KMT2D: variants seen among roughly 807,000 people sequenced by gnomAD.
KMT2D encodes lysine methyltransferase 2D, also known as histone-lysine N-methyltransferase 2D.
Under a neutral mutation model 512.7 loss-of-function variants are expected in KMT2D, and 55 were observed. The observed-to-expected ratio is 0.11, with a 90% CI of 0.09 to 0.13. KMT2D has a LOEUF of 0.13. Among genes scored for constraint, KMT2D ranks in the 10% least tolerant of loss-of-function variants. The pLI, the probability that KMT2D is intolerant of heterozygous loss-of-function variation, is 1.00. For synonymous variants in KMT2D, 2,995 were observed against 2,904.0 expected (o/e 1.03, Z -1.01); for missense variants, 6,061 against 7,127.9 (o/e 0.85, Z 5.39).
chr12:49,046,076 A>C lies in KMT2D; in HGVS notation c.4682T>G (p.Val1561Gly), dbSNP rs777735105. 4.2e-5 allele frequency: 68 copies of C among 1,611,674 alleles called. No homozygotes were observed. In the East Asian group the frequency reaches 1.5e-3, roughly 36 times the overall value. ...FDCVSCQPYV[V>G]KPVAPVAPPE... ...CAGCTGGTACTCACCCACAGGCTTT[A>C]CCACGTAGGGCTGGCAGGAGACACA... is the stretch of plus-strand genomic sequence containing the variant. Residue 1561 changes from valine to glycine, a missense_variant, in exon 18 of 55, where the codon GTA becomes GGA. By Grantham distance (109) the Val-to-Gly change is moderately radical. This residue lies in a region of KMT2D where 640 missense variants were observed against 814.3 expected (regional missense o/e 0.79). Coordinates refer to ENST00000301067, the MANE Select transcript of KMT2D (RefSeq NM_003482.4). The surrounding 1 kb of genome is among the most constrained non-coding windows in gnomAD (Gnocchi z 4.2).
rs767839968 is a variant in KMT2D at position 49,051,127 on chromosome 12, G to C, written c.2556C>G (p.Ser852=). 2.6e-6 allele frequency: 4 copies of C among 1,520,724 alleles called. No homozygotes were observed. In the South Asian group the frequency reaches 5.3e-5, roughly 20 times the overall value. The allele number at this position is 1,520,724 out of a possible 1,614,324, so 94.2% of individuals were successfully genotyped here. A position where few individuals can be genotyped will look rare whatever the true frequency, so the allele number is the denominator to read the frequency against. The change falls in exon 11 of 55, where the codon TCC becomes TCG. Residue 852 remains serine, a synonymous_variant. Coordinates refer to ENST00000301067, the MANE Select transcript of KMT2D (RefSeq NM_003482.4). ...ACAGGGGTGGCTTCTCAAGCTCAGGGGACAGATGCGATTCCTCAGGCCGGG... is the reference window on the plus strand; with the variant it reads ...ACAGGGGTGGCTTCTCAAGCTCAGGCGACAGATGCGATTCCTCAGGCCGGG... ...LSPRPEESHL[S]PELEKPPLSP...
At position 49,042,521 on chromosome 12, in the gene KMT2D, C is replaced by G. The variant is rs1425718825; in HGVS notation, c.5867+40G>C. The G allele has an allele frequency of 6.3e-7, 1 of 1,598,524 alleles. No individual in the cohort carries two copies. Among genetic ancestry groups the G allele is most frequent in the South Asian group, 1.1e-5 (1 of 89,914 alleles). ...CATGAACTCAGATGGAGGGAAAGGA[C>G]AACGAGGACTGCCCACAAAGGTTAC... is the stretch of plus-strand genomic sequence containing the variant. On this transcript the variant is annotated intron_variant, in intron 28 of 54. Transcript: ENST00000301067. The surrounding 1 kb of genome is among the most constrained non-coding windows in gnomAD (Gnocchi z 4.4).
At position 49,022,263 on chromosome 12, in the gene KMT2D, TC is replaced by T. The variant is rs34546217; in HGVS notation, c.16412+16del. 541,464 of 1,602,132 alleles carry T rather than the reference TC, an allele frequency of 0.34. 96,375 individuals are homozygous for T. The highest frequency in any genetic ancestry group is 0.4 in the East Asian group (17,811 of 44,550). On this transcript the variant is annotated intron_variant, in intron 53 of 54. Coordinates refer to ENST00000301067, the MANE Select transcript of KMT2D (RefSeq NM_003482.4). The surrounding 1 kb of genome is among the most constrained non-coding windows in gnomAD (Gnocchi z 8.6). Reference sequence around the variant, plus strand: ...TCTCAGGGACCACTAAATCCCTCCTTCCTCGTCATCTCTCACCTGGCAGGGC... The same window carrying T: ...TCTCAGGGACCACTAAATCCCTCCTTCTCGTCATCTCTCACCTGGCAGGGC...
Position 49,041,393 on chromosome 12 carries a change from A to G in KMT2D, c.6377T>C (p.Ile2126Thr), listed in dbSNP as rs766985576. 3 of 1,603,412 alleles carry G rather than the reference A, an allele frequency of 1.9e-6. No homozygotes were observed. Among genetic ancestry groups the G allele is most frequent in the East Asian group, 2.2e-5 (1 of 44,750 alleles). Residue 2126 changes from isoleucine to threonine, a missense_variant, in exon 32 of 55, where the codon ATT becomes ACT. Transcript: ENST00000301067. The surrounding 1 kb of genome is among the most constrained non-coding windows in gnomAD (Gnocchi z 5.4). The part of the protein sequence containing the change: ...PPPAAAPTIF[I>T]GSPTTPAGLS... Reference sequence around the variant, plus strand: ...GCCGGCGGGGGTAGTGGGGCTGCCAATGAAAATGGTGGGGGCAGCAGCGGG... The same window carrying G: ...GCCGGCGGGGGTAGTGGGGCTGCCAGTGAAAATGGTGGGGGCAGCAGCGGG...
At position 49,039,871 on chromosome 12, in the gene KMT2D, T is replaced by C. The variant is rs2120518575; in HGVS notation, c.7899A>G (p.Ser2633=). 6.2e-7 allele frequency: 1 copy of C among 1,613,990 alleles called. No individual in the cohort carries two copies. Among genetic ancestry groups the C allele is most frequent in the South Asian group, 1.1e-5 (1 of 91,082 alleles). The change falls in exon 32 of 55, where the codon TCA becomes TCG. Residue 2633 remains serine, a synonymous_variant. Coordinates refer to ENST00000301067, the MANE Select transcript of KMT2D (RefSeq NM_003482.4). This position sits in a 1 kb window ranked among gnomAD's most constrained non-coding sequence, Gnocchi z 5.0. ...CAGGAGAGGTGATGCCTGATCGCTGTGAGGCTCCATGGGACAGGTAGGGGA... is the reference window on the plus strand; with the variant it reads ...CAGGAGAGGTGATGCCTGATCGCTGCGAGGCTCCATGGGACAGGTAGGGGA... The part of the protein sequence containing the change: ...GSLPYLSHGA[S]QRSGITSPVE...
chr12:49,052,305 G>T lies in KMT2D; in HGVS notation c.1378C>A (p.Pro460Thr), dbSNP rs201089405. 1.6e-4 allele frequency: 261 copies of T among 1,589,174 alleles called. No individual in the cohort carries two copies. Among genetic ancestry groups the T allele is most frequent in the Non-Finnish European group, 2.2e-4 (254 of 1,165,834 alleles). ...GACAGGCGTGATGCCTCAGGTGGTG[G>T]GGACGTGGGTGATTCCTCAGGTGGT... is the stretch of plus-strand genomic sequence containing the variant. The part of the protein sequence containing the change: ...SPPPEESPTS[P>T]PPEASRLSPP... The change falls in exon 11 of 55, where the codon CCA (proline) becomes ACA (threonine). Residue 460 changes from proline to threonine, a missense_variant. Transcript: ENST00000301067.
chr12:49,034,969 G>A (rs1156260538), intron 35 of KMT2D, 34 bp from the exon 36 acceptor site: 6 of 1,612,322 alleles, frequency 3.7e-6, no homozygotes, highest in Admixed American at 1.7e-5. Flanking sequence ...GCTGGGCTAT[G>A]GGGCCAATGC....
chr12:49,022,910 T>TC lies in KMT2D; in HGVS notation c.16053-36dup. The TC allele has an allele frequency of 6.5e-7, 1 of 1,536,104 alleles. No individual in the cohort carries two copies. The highest frequency in any genetic ancestry group is 1.4e-5 in the African/African-American group (1 of 73,490). On this transcript the variant is annotated intron_variant, in intron 51 of 54. Coordinates refer to ENST00000301067, the MANE Select transcript of KMT2D (RefSeq NM_003482.4). This position sits in a 1 kb window ranked among gnomAD's most constrained non-coding sequence, Gnocchi z 8.6. ...GATATAATCCATGACAAGACAGCTC[T>TC]CCCTCAGACCAAGTACATACCACCC...
chr12:49,025,221 G>A (rs1942514709), intron 49 of KMT2D, among the ~76,000 whole-genome samples: 3 of 152,226 alleles, frequency 2.0e-5, no homozygotes, highest in Admixed American at 1.3e-4. Context: ...TAGTGAAAGA[G>A]CAGGCATGCT....
chr12:49,057,032 C>T (rs1938449604), intron 1 of KMT2D, among the ~76,000 whole-genome samples: 2 of 152,188 alleles, frequency 1.3e-5, no homozygotes, highest in Admixed American at 1.3e-4. Flanking sequence ...CTTTCCCAAA[C>T]CTGCCACACA....
At chr12:49,049,071 T>C (rs1165373081) in intron 13 of KMT2D, 34 bp downstream of exon 13, 17 of 1,351,290 alleles carry the variant, frequency 1.3e-5, no homozygotes, top group Non-Finnish European at 1.7e-5. Context: ...AAAGCATGGT[T>C]GGGGGATGGG....
chr12:49,052,886 C>T (rs2120691283), intron 9 of KMT2D, 29 bp downstream of exon 9: 1 of 1,611,710 alleles, frequency 6.2e-7, no homozygotes, highest in African/African-American at 1.3e-5. Flanking sequence ...AACCTGCCAG[C>T]CCAATCTCAG....
rs1408826108 is a variant in KMT2D at position 49,041,940 on chromosome 12, C to A, written c.6160G>T (p.Ala2054Ser). The stretch of plus-strand genomic sequence containing the variant: ...ACCAGGTAGGGGGCTTTGTCAGCTG[C>A]TGGAACCTTTCTCCAGAGCTTCATG... ...QIMKLWRKVP[A>S]ADKAPYLQKA... Residue 2054 changes from alanine to serine, a missense_variant, in exon 30 of 55, where the codon GCA (alanine) becomes TCA (serine). This residue lies in a region of KMT2D where 640 missense variants were observed against 814.3 expected (regional missense o/e 0.79). Coordinates refer to ENST00000301067, the MANE Select transcript of KMT2D (RefSeq NM_003482.4). This position sits in a 1 kb window ranked among gnomAD's most constrained non-coding sequence, Gnocchi z 5.4. 1 of 1,609,336 alleles carries A rather than the reference C, an allele frequency of 6.2e-7. No individual in the cohort carries two copies. The highest frequency in any genetic ancestry group is 8.5e-7 in the Non-Finnish European group (1 of 1,177,732).
chr12:49,052,723 A>C lies in KMT2D; in HGVS notation c.1113-14T>G. 1 of 1,611,288 alleles carries C rather than the reference A, an allele frequency of 6.2e-7. No individual in the cohort carries two copies. The highest frequency in any genetic ancestry group is 8.5e-7 in the Non-Finnish European group (1 of 1,177,792). ...GGGGGTGAAAATCTGCAGAGGGTAC[A>C]GGGGAGCAGGCACTGTGGCTCTCAC... On this transcript the variant is annotated splice_polypyrimidine_tract_variant and intron_variant, in intron 9 of 54. Coordinates refer to ENST00000301067, the MANE Select transcript of KMT2D (RefSeq NM_003482.4).
chr12:49,056,438 G>A (rs986619548), intron 1 of KMT2D, among the ~76,000 whole-genome samples: 2 of 151,948 alleles, frequency 1.3e-5, no homozygotes, highest in Non-Finnish European at 2.9e-5. Flanking sequence ...ATCTCAGAGG[G>A]AATTAAGCAC....
Position 49,022,204 on chromosome 12 carries a change from T to C in KMT2D, c.16413-53A>G. On this transcript the variant is annotated intron_variant, in intron 53 of 54. Transcript: ENST00000301067. This position sits in a 1 kb window ranked among gnomAD's most constrained non-coding sequence, Gnocchi z 8.6. ...TCAGGCAACTAACTTGGGACAATTT[T>C]GATTCCTTGTTCGTCTATCCCCCAG... The C allele has an allele frequency of 2.5e-6, 4 of 1,603,496 alleles. No individual in the cohort carries two copies. Among genetic ancestry groups the C allele is most frequent in the Non-Finnish European group, 3.4e-6 (4 of 1,170,490 alleles).
rs763491738 is a variant in KMT2D at position 49,050,444 on chromosome 12, T to G, written c.3144A>C (p.Pro1048=). Residue 1048 remains proline, a synonymous_variant, in exon 12 of 55, where the codon CCA becomes CCC. Transcript: ENST00000301067. ...GACTCAACGGGGAGGGAACGGACAG[T>G]GGTAGGGCAGGAGGAGAGCACTGGG... is the stretch of plus-strand genomic sequence containing the variant. ...PPSQCSPPAL[P]LSVPSPLSPI... is the part of the protein sequence containing the mutation. 1.7e-5 allele frequency: 27 copies of G among 1,613,070 alleles called. No individual in the cohort carries two copies. Among genetic ancestry groups the G allele is most frequent in the Non-Finnish European group, 1.5e-5 (18 of 1,179,640 alleles).
At position 49,033,646 on chromosome 12, in the gene KMT2D, C is replaced by T. The variant is rs750609848; in HGVS notation, c.11059G>A (p.Gly3687Ser). 1.2e-6 allele frequency: 2 copies of T among 1,613,718 alleles called. No homozygotes were observed. Among genetic ancestry groups the T allele is most frequent in the African/African-American group, 2.7e-5 (2 of 75,030 alleles). The change falls in exon 40 of 55, where the codon GGT becomes AGT. Residue 3687 changes from glycine to serine, a missense_variant. Gly to Ser is a moderately conservative substitution (Grantham distance 56). Transcript: ENST00000301067. Reference protein sequence around the residue: ...LAQQQQQQHSGGAGSLAGPSG... With the variant: ...LAQQQQQQHSSGAGSLAGPSG... ...GGGCCAGCCAGGGATCCAGCCCCAC[C>T]AGAATGTTGCTGTTGCTGCTGTTGG... is the stretch of plus-strand genomic sequence containing the variant.
rs773977533 is a variant in KMT2D at position 49,051,745 on chromosome 12, GGGGGACATAGGTGATTCTTCAGGTGGT to G, written c.1911_1937del (p.Glu641_Glu649del). 4 of 1,549,412 alleles carry G rather than the reference GGGGGACATAGGTGATTCTTCAGGTGGT, an allele frequency of 2.6e-6. No individual in the cohort carries two copies. The highest frequency in any genetic ancestry group is 1.7e-4 in the Middle Eastern group (1 of 5,850). ...GGGATAGGCGCGATACCTCAGGTGGGGGGGACATAGGTGATTCTTCAGGTGGTGGGGACATAGGCGAGTCCTCAGGTG... is the reference window on the plus strand; with the variant it reads ...GGGATAGGCGCGATACCTCAGGTGGGGGGGACATAGGCGAGTCCTCAGGTG... On this transcript the variant is annotated inframe_deletion, in exon 11 of 55. Coordinates refer to ENST00000301067, the MANE Select transcript of KMT2D (RefSeq NM_003482.4).
Sources: allele counts gnomAD v4.1 joint callset (sites outside exome capture counted in the v4.1 genomes callset), GRCh38; gene constraint gnomAD v4.1.1; regional missense constraint gnomAD v4.1.1; non-coding constraint Gnocchi (gnomAD v3.1); transcripts MANE v1.5; gene names NCBI Gene and HGNC (gene_info 2026-07-23, HGNC 2026-07-21).